The following RASEF variants were observed in gnomAD, a reference collection of about 807,000 sequenced individuals.
RASEF encodes ras and EF-hand domain-containing protein.
RASEF carries 68 observed loss-of-function variants against 90.1 expected under a neutral mutation model. The observed-to-expected ratio is 0.75, with a 90% CI of 0.62 to 0.92. The LOEUF (loss-of-function observed/expected upper bound fraction) is 0.92, where lower values mean the gene tolerates loss of function less well. RASEF is among the 40% of genes least tolerant of loss of function. The pLI is 0.00. For missense variants in RASEF, 949 were observed against 937.2 expected (o/e 1.01, Z -0.16); for synonymous variants, 331 against 345.2 (o/e 0.96, Z 0.46).
At chr9:83,198,507 C>A in the RASEF span, among the ~76,000 whole-genome samples, 1 of 152,148 alleles carries the variant, frequency 6.6e-6, no homozygotes, top group East Asian at 1.9e-4. Context: ...CCCCAGGGAG[C>A]GGCCCCATTT....
the RASEF span, among the ~76,000 whole-genome samples, chr9:83,203,328 T>C: frequency 2.0e-5 from 3 of 151,998 alleles, no homozygotes; most frequent in Non-Finnish European, 4.4e-5. Context: ...CGGGCTGCAG[T>C]GCAGTGGCGC....
intron 4 of RASEF, among the ~76,000 whole-genome samples, chr9:83,014,863 C>T (rs1829316020): frequency 6.6e-6 from 1 of 152,114 alleles, no homozygotes; most frequent in Admixed American, 6.5e-5. Flanking sequence ...ATACACATCC[C>T]TCCCTTCCCC....
chr9:83,124,726 A>T, the RASEF span, among the ~76,000 whole-genome samples: 75,582 of 151,534 alleles, frequency 0.5, 19,030 homozygotes, highest in East Asian at 0.79. Context: ...AAACTCAATG[A>T]TTATCTTTTT....
chr9:83,082,880 GA>G, the RASEF span, among the ~76,000 whole-genome samples: 3 of 152,182 alleles, frequency 2.0e-5, no homozygotes, highest in African/African-American at 7.2e-5. Context: ...TGACACTGGT[GA>G]AGTAGAAAAC....
chr9:83,007,531 G>A (rs1263785510), intron 6 of RASEF, 26 bp from the exon 7 acceptor site: 4 of 1,560,872 alleles, frequency 2.6e-6, no homozygotes, highest in South Asian at 2.2e-5. Flanking sequence ...TTATGTTTGA[G>A]TGAGAATTAG....
At chr9:83,110,847 A>G in the RASEF span, among the ~76,000 whole-genome samples, 1 of 152,268 alleles carries the variant, frequency 6.6e-6, no homozygotes, top group African/African-American at 2.4e-5. Flanking sequence ...AGGAATCAGG[A>G]AAAAGAAAAA....
the RASEF span, among the ~76,000 whole-genome samples, chr9:83,171,038 A>G: frequency 1.3e-5 from 2 of 151,844 alleles, no homozygotes; most frequent in African/African-American, 4.8e-5. Flanking sequence ...TTCCCCATTC[A>G]GTGTGGTGCT....
chr9:83,182,274 G>A, the RASEF span, among the ~76,000 whole-genome samples: 1 of 152,126 alleles, frequency 6.6e-6, no homozygotes, highest in Non-Finnish European at 1.5e-5. Flanking sequence ...GTTAACCCAG[G>A]GAGTTAATTA....
the RASEF span, among the ~76,000 whole-genome samples, chr9:83,097,669 C>T: frequency 6.6e-6 from 1 of 152,148 alleles, no homozygotes; most frequent in Non-Finnish European, 1.5e-5. Context: ...CATCACTGGC[C>T]ATCAGAGAAA....
chr9:83,195,458 C>T, the RASEF span, among the ~76,000 whole-genome samples: 5 of 152,242 alleles, frequency 3.3e-5, no homozygotes, highest in Middle Eastern at 3.4e-3. Flanking sequence ...CCCACTGTGG[C>T]CATGCTGCTA....
At chr9:83,201,453 C>A in the RASEF span, among the ~76,000 whole-genome samples, 1 of 152,194 alleles carries the variant, frequency 6.6e-6, no homozygotes, top group Non-Finnish European at 1.5e-5. Flanking sequence ...GGAGGAGACA[C>A]TCCCAAATAG....
At chr9:83,008,723 A>C (rs1187437692) in intron 6 of RASEF, among the ~76,000 whole-genome samples, 4 of 151,780 alleles carry the variant, frequency 2.6e-5, no homozygotes, top group Non-Finnish European at 5.9e-5. Context: ...TCTTCAATAC[A>C]GTTCTTCACC....
chr9:83,208,093 C>T, the RASEF span, among the ~76,000 whole-genome samples: 4 of 152,150 alleles, frequency 2.6e-5, no homozygotes, highest in Non-Finnish European at 2.9e-5. Context: ...TTGGAGCTGT[C>T]GCTGTCGCAG....
At chr9:83,065,947 C>G (rs1285680055), upstream of RASEF, among the ~76,000 whole-genome samples, 1 of 152,144 alleles carries the variant, frequency 6.6e-6, no homozygotes, top group East Asian at 1.9e-4. Flanking sequence ...TCCCCTCCTT[C>G]CCATTACAAA....
At chr9:83,158,459 CAT>C in the RASEF span, among the ~76,000 whole-genome samples, 1 of 151,030 alleles carries the variant, frequency 6.6e-6, no homozygotes, top group African/African-American at 2.4e-5. Flanking sequence ...GTAGTACAAA[CAT>C]AGTGTATATT....
chr9:82,991,094 C>T (rs1397416692), intron 15 of RASEF, among the ~76,000 whole-genome samples: 2 of 152,164 alleles, frequency 1.3e-5, no homozygotes, highest in African/African-American at 4.8e-5. Context: ...AAGCTCTGAG[C>T]TTCACCTCCC....
the RASEF span, among the ~76,000 whole-genome samples, chr9:83,073,614 T>A: frequency 6.6e-6 from 1 of 152,194 alleles, no homozygotes; most frequent in Non-Finnish European, 1.5e-5. Flanking sequence ...CACTGCAATA[T>A]CCTGGCACAA....
the RASEF span, among the ~76,000 whole-genome samples, chr9:83,116,187 C>T: frequency 6.6e-6 from 1 of 152,146 alleles, no homozygotes. Context: ...TTTGGAGAAA[C>T]CACAACTTGG....
chr9:82,990,366 C>A (rs1828789818), intron 16 of RASEF, 25 bp downstream of exon 16: 4 of 1,558,920 alleles, frequency 2.6e-6, no homozygotes, highest in Non-Finnish European at 3.5e-6. Flanking sequence ...AAATTCAATC[C>A]TACATCCATT....
Sources: allele counts gnomAD v4.1 joint callset (sites outside exome capture counted in the v4.1 genomes callset), GRCh38; gene constraint gnomAD v4.1.1; transcripts MANE v1.5; gene names NCBI Gene and HGNC (gene_info 2026-07-23, HGNC 2026-07-21).